Variants in PARD3B observed in about 807,000 individuals in gnomAD.
PARD3B encodes partitioning defective 3 homolog B.
PARD3B carries 103 observed loss-of-function variants against 130.2 expected under a neutral mutation model. That is an observed-to-expected ratio of 0.79 (90% CI 0.67 to 0.93). The LOEUF is 0.93. PARD3B is among the 40% of genes least tolerant of loss of function. The probability of loss-of-function intolerance (pLI) is 0.00; values close to 1 mark genes in which losing one functional copy is unlikely to be tolerated. For synonymous variants in PARD3B, 583 were observed against 553.2 expected (o/e 1.05, Z -0.76); for missense variants, 1,609 against 1,499.2 (o/e 1.07, Z -1.21).
chr2:205,264,379 T>C lies in PARD3B; in HGVS notation c.2185+18557T>C, dbSNP rs907635497. On this transcript the variant is annotated intron_variant, in intron 16 of 22. Transcript: ENST00000406610. ...CTAGAGTTAATGATCAGTCTCATTTTTGCTATTATCATGTTCAGTGGTTTG... is the reference window on the plus strand; with the variant it reads ...CTAGAGTTAATGATCAGTCTCATTTCTGCTATTATCATGTTCAGTGGTTTG... 2.0e-4 allele frequency among the ~76,000 whole-genome samples: 30 copies of C among 151,180 alleles called. 1 individual carries two copies. The highest frequency in any genetic ancestry group is 3.0e-5 in the Non-Finnish European group (2 of 67,646).
At position 205,146,617 on chromosome 2, in the gene PARD3B, C is replaced by CT. The variant is rs2033380652; in HGVS notation, c.1435-12104dup. On this transcript the variant is annotated intron_variant, in intron 10 of 22. Transcript: ENST00000406610. This position sits in a 1 kb window ranked among gnomAD's most constrained non-coding sequence, Gnocchi z 4.3. ...AGTGAGCCGAGATAGCGCCACTGCACTCCAGCCTGGGCGACAGAGCGAGAC... is the reference window on the plus strand; with the variant it reads ...AGTGAGCCGAGATAGCGCCACTGCACTTCCAGCCTGGGCGACAGAGCGAGAC... Among the ~76,000 whole-genome samples the CT allele has an allele frequency of 6.6e-6, 1 of 151,880 alleles. No homozygotes were observed. The highest frequency in any genetic ancestry group is 6.6e-5 in the Admixed American group (1 of 15,262).
chr2:204,819,666 C>T (rs77196382), intron 2 of PARD3B, among the ~76,000 whole-genome samples: 1,998 of 152,184 alleles, frequency 0.013, 16 homozygotes, highest in African/African-American at 0.025. Flanking sequence ...AAACCTGTTG[C>T]ACCAAACAGC....
At chr2:205,416,331 A>G (rs1021037826) in intron 19 of PARD3B, among the ~76,000 whole-genome samples, 1 of 152,186 alleles carries the variant, frequency 6.6e-6, no homozygotes, top group African/African-American at 2.4e-5. Flanking sequence ...AGCATCTGAT[A>G]ACCATTCCTT....
rs958856703 is a variant in PARD3B at position 205,576,005 on chromosome 2, T to A, written c.3260+22602T>A. Among the ~76,000 whole-genome samples, 3 of 152,290 alleles carry A rather than the reference T, an allele frequency of 2.0e-5. No individual in the cohort carries two copies. The South Asian group carries it at 6.2e-4, about 32-fold the overall frequency. On this transcript the variant is annotated intron_variant, in intron 22 of 22. Coordinates refer to ENST00000406610, the MANE Select transcript of PARD3B (RefSeq NM_001302769.2). ...AATTCCCACAAGCAATGAGTGAGAG[T>A]TCCTGTTGCTCCACATCCTTGTCAG...
chr2:205,236,398 A>G (rs1224980665), intron 15 of PARD3B, among the ~76,000 whole-genome samples: 1 of 134,238 alleles, frequency 7.4e-6, no homozygotes, highest in Non-Finnish European at 1.6e-5. Flanking sequence ...AAAAAAATTT[A>G]GATTGATATC....
intron 18 of PARD3B, among the ~76,000 whole-genome samples, chr2:205,377,161 T>C (rs1414507208): frequency 2.0e-5 from 3 of 152,104 alleles, no homozygotes; most frequent in Non-Finnish European, 4.4e-5. Context: ...TCAGTTACCA[T>C]AAAAAGTTGG....
Position 205,113,498 on chromosome 2 carries a change from A to T in PARD3B, c.601A>T (p.Thr201Ser). The change falls in exon 6 of 23, where the codon ACA (threonine) becomes TCA (serine). Residue 201 changes from threonine (T) to serine (S), a missense_variant. Thr to Ser is a moderately conservative substitution (Grantham distance 58). Transcript: ENST00000406610. The part of the protein sequence containing the change: ...PRTKDTLSDM[T>S]RTVEISGEGG... The stretch of plus-strand genomic sequence containing the variant: ...TGTTTTTTTCTGCCCCAGTGATATG[A>T]CAAGAACAGTGGAGATTTCTGGGGA... 1 of 1,612,850 alleles carries T rather than the reference A, an allele frequency of 6.2e-7. No individual in the cohort carries two copies. Among genetic ancestry groups the T allele is most frequent in the Non-Finnish European group, 8.5e-7 (1 of 1,179,312 alleles).
At chr2:205,553,428 C>T (rs1474560303) in intron 22 of PARD3B, 25 bp downstream of exon 22, 2 of 1,593,304 alleles carry the variant, frequency 1.3e-6, no homozygotes, top group African/African-American at 2.7e-5. Flanking sequence ...GGTCTCCCAT[C>T]TCCAGCTCAC....
At chr2:205,077,942 T>C (rs1452076115) in intron 4 of PARD3B, among the ~76,000 whole-genome samples, 1 of 152,190 alleles carries the variant, frequency 6.6e-6, no homozygotes. Context: ...CACATAATCA[T>C]TTCAATGTCT....
At chr2:205,069,516 A>T (rs1700591244) in intron 4 of PARD3B, among the ~76,000 whole-genome samples, 1 of 152,046 alleles carries the variant, frequency 6.6e-6, no homozygotes, top group South Asian at 2.1e-4. Flanking sequence ...CTTTGTTTCA[A>T]ATCTACAAAT....
intron 11 of PARD3B, among the ~76,000 whole-genome samples, chr2:205,164,624 G>C (rs1282768523): frequency 6.6e-6 from 1 of 151,634 alleles, no homozygotes; most frequent in Non-Finnish European, 1.5e-5. Flanking sequence ...ACAACATTTT[G>C]ATGTGTATTT....
chr2:205,104,058 G>T (rs1020913807), intron 4 of PARD3B, among the ~76,000 whole-genome samples: 2 of 152,102 alleles, frequency 1.3e-5, no homozygotes, highest in Non-Finnish European at 2.9e-5. Flanking sequence ...AAGCAAGTAC[G>T]TACCTTAAGG....
intron 2 of PARD3B, among the ~76,000 whole-genome samples, chr2:204,774,910 G>GAACCAAACTACCAAGGCTAA: frequency 6.6e-6 from 1 of 152,090 alleles, no homozygotes; most frequent in South Asian, 2.1e-4. Flanking sequence ...AGAAATTGTG[G>GAACCAAACTACCAAGGCTAA]CATTTCTCAG....
rs1046893652 is a variant in PARD3B at position 205,187,822 on chromosome 2, T to C, written c.2024+1959T>C. 6.6e-6 allele frequency among the ~76,000 whole-genome samples: 1 copy of C among 152,254 alleles called. No individual in the cohort carries two copies. The highest frequency in any genetic ancestry group is 2.4e-5 in the African/African-American group (1 of 41,472). Reference sequence around the variant, plus strand: ...TCCCGTGTGTTTTAGGCCTCTGTTCTCACTTCTTTATTAGAACTGCTCTCT... The same window carrying C: ...TCCCGTGTGTTTTAGGCCTCTGTTCCCACTTCTTTATTAGAACTGCTCTCT... On this transcript the variant is annotated intron_variant, in intron 14 of 22. Transcript: ENST00000406610. This position sits in a 1 kb window ranked among gnomAD's most constrained non-coding sequence, Gnocchi z 4.9.
At chr2:205,123,293 A>G (rs2030977613) in intron 8 of PARD3B, among the ~76,000 whole-genome samples, 1 of 152,246 alleles carries the variant, frequency 6.6e-6, no homozygotes, top group Admixed American at 6.5e-5. Context: ...TGGAGATGTC[A>G]TTGCTAGAAA....
chr2:204,820,347 G>A (rs1030614476), intron 2 of PARD3B, among the ~76,000 whole-genome samples: 3 of 151,818 alleles, frequency 2.0e-5, no homozygotes, highest in Non-Finnish European at 4.4e-5. Context: ...AAAGTGCTGG[G>A]ATTACAGGCG....
chr2:205,168,318 A>AGAGAGAGAGAGAGAGAGG (rs2034944591), intron 11 of PARD3B, among the ~76,000 whole-genome samples: 1 of 122,368 alleles, frequency 8.2e-6, no homozygotes, highest in South Asian at 2.5e-4. Context: ...AGAGAGAGAG[A>AGAGAGAGAGAGAGAGAGG]GAGTGTGTGT....
At chr2:205,316,118 T>C (rs2042555971) in intron 18 of PARD3B, among the ~76,000 whole-genome samples, 1 of 152,182 alleles carries the variant, frequency 6.6e-6, no homozygotes, top group Admixed American at 6.5e-5. Flanking sequence ...TATTAATGTG[T>C]TGTGCCCCTT....
At chr2:204,735,099 G>A (rs1159936407) in intron 2 of PARD3B, among the ~76,000 whole-genome samples, 2 of 149,502 alleles carry the variant, frequency 1.3e-5, no homozygotes, top group Non-Finnish European at 2.9e-5. Flanking sequence ...CAGTCAAGTG[G>A]TTGTCAGTGA....
Sources: allele counts gnomAD v4.1 joint callset (sites outside exome capture counted in the v4.1 genomes callset), GRCh38; gene constraint gnomAD v4.1.1; non-coding constraint Gnocchi (gnomAD v3.1); transcripts MANE v1.5; gene names NCBI Gene and HGNC (gene_info 2026-07-23, HGNC 2026-07-21).